The following GRB2 variants were observed in gnomAD, a reference collection of about 807,000 sequenced individuals.
The protein encoded by GRB2 is growth factor receptor-bound protein 2.
A neutral mutation model predicts 27.4 loss-of-function variants in GRB2; 2 were observed. That is an observed-to-expected ratio of 0.07 (90% CI 0.03 to 0.23). The LOEUF (loss-of-function observed/expected upper bound fraction) is 0.23. Ranked by LOEUF, GRB2 falls within the 10% of genes least tolerant of loss-of-function variation. GRB2 has a pLI of 1.00. For synonymous variants in GRB2, 94 were observed against 99.6 expected, an observed-to-expected ratio of 0.94 and a Z score of 0.33; for missense variants, 102 against 282.4, an observed-to-expected ratio of 0.36 and a Z score of 4.58.
chr17:75,393,638 T>C lies in GRB2; in HGVS notation c.-10A>G, dbSNP rs763312618. On this transcript the variant is annotated 5_prime_UTR_variant, in exon 2 of 6. Transcript: ENST00000316804. ...TGGCGATGGCTTCCATTCTGAGCGC[T>C]GCTCAGTGCTCAGCAGCCTGAAGCA... 5.0e-6 allele frequency: 8 copies of C among 1,610,010 alleles called. No individual in the cohort carries two copies. Among genetic ancestry groups the C allele is most frequent in the Non-Finnish European group, 6.8e-6 (8 of 1,176,274 alleles).
rs61757946 is a variant in GRB2 at position 75,320,872 on chromosome 17, G to T, written c.469-319C>A. 0.021 allele frequency among the ~76,000 whole-genome samples: 3,226 copies of T among 152,210 alleles called. 111 individuals are homozygous for T. Among genetic ancestry groups the T allele is most frequent in the African/African-American group, 0.074 (3,068 of 41,514 alleles). Reference sequence around the variant, plus strand: ...AAGTTCTTCAGAAACAGCCATCTGTGTTTAGGCCGTGGGCCCAGAATCGCA... The same window carrying T: ...AAGTTCTTCAGAAACAGCCATCTGTTTTTAGGCCGTGGGCCCAGAATCGCA... On this transcript the variant is annotated intron_variant, in intron 5 of 5. Coordinates refer to ENST00000316804, the MANE Select transcript of GRB2 (RefSeq NM_002086.5). This position sits in a 1 kb window ranked among gnomAD's most constrained non-coding sequence, Gnocchi z 4.3.
chr17:75,326,070 G>C, intron 3 of GRB2, 50 bp from the exon 4 acceptor site: 1 of 1,609,360 alleles, frequency 6.2e-7, no homozygotes, highest in Non-Finnish European at 8.5e-7. Flanking sequence ...ACAAAGAAAC[G>C]GGATATCCAG....
At chr17:75,404,195 A>T (rs953778229) in intron 1 of GRB2, among the ~76,000 whole-genome samples, 10 of 152,214 alleles carry the variant, frequency 6.6e-5, no homozygotes, top group Admixed American at 4.6e-4. Context: ...CAGAAGCATA[A>T]TCTTAAAAGA....
At chr17:75,345,056 A>T (rs2078646193) in intron 2 of GRB2, among the ~76,000 whole-genome samples, 1 of 151,550 alleles carries the variant, frequency 6.6e-6, no homozygotes, top group South Asian at 2.1e-4. Flanking sequence ...TATTATTATT[A>T]TTTTTGAGAT....
chr17:75,346,319 C>T (rs912394921), intron 2 of GRB2, among the ~76,000 whole-genome samples: 32 of 152,078 alleles, frequency 2.1e-4, no homozygotes, highest in Admixed American at 1.6e-3. Flanking sequence ...CATGGTAAAA[C>T]CCTGTCTCTA....
intron 2 of GRB2, among the ~76,000 whole-genome samples, chr17:75,377,587 C>A (rs1389650476): frequency 4.1e-5 from 5 of 122,552 alleles, no homozygotes; most frequent in Non-Finnish European, 8.1e-5. Context: ...CAGAGCGAGA[C>A]CCTGTCTCAG....
intron 3 of GRB2, among the ~76,000 whole-genome samples, chr17:75,326,967 A>C (rs2078502471): frequency 6.6e-6 from 1 of 152,214 alleles, no homozygotes; most frequent in Non-Finnish European, 1.5e-5. Context: ...AAAGACCTAT[A>C]AACATGGAAA....
chr17:75,329,303 C>T (rs2078523247), intron 3 of GRB2, among the ~76,000 whole-genome samples: 1 of 152,022 alleles, frequency 6.6e-6, no homozygotes, highest in African/African-American at 2.4e-5. Context: ...ACTGAAATAG[C>T]CTAGATGTAC....
rs1184872895 is a variant in GRB2, at chr17:75,340,156, C to CA, written c.79-7360dup. ...CTTTCAACACGCGCTCCAATTCCAACAGCTTGCAGAAAAGTTCAACATTTC... is the reference window on the plus strand; with the variant it reads ...CTTTCAACACGCGCTCCAATTCCAACAAGCTTGCAGAAAAGTTCAACATTTC... On this transcript the variant is annotated intron_variant, in intron 2 of 5. Coordinates refer to ENST00000316804, the MANE Select transcript of GRB2 (RefSeq NM_002086.5). Among the ~76,000 whole-genome samples the CA allele has an allele frequency of 4.3e-4, 66 of 152,290 alleles. 1 individual carries two copies. The highest frequency in any genetic ancestry group is 1.6e-3 in the African/African-American group (66 of 41,556).
intron 2 of GRB2, among the ~76,000 whole-genome samples, chr17:75,333,069 C>T (rs1401013695): frequency 1.3e-5 from 2 of 149,762 alleles, no homozygotes; most frequent in Admixed American, 1.3e-4. Context: ...AGAAGAATGG[C>T]AAGTATTAGT....
At chr17:75,333,772 G>T (rs1381104279) in intron 2 of GRB2, among the ~76,000 whole-genome samples, 1 of 152,184 alleles carries the variant, frequency 6.6e-6, no homozygotes, top group East Asian at 1.9e-4. Flanking sequence ...ATTAAAGTTA[G>T]ATAGTGCTGA....
intron 1 of GRB2, among the ~76,000 whole-genome samples, chr17:75,404,043 G>A (rs2079081444): frequency 6.6e-6 from 1 of 151,308 alleles, no homozygotes; most frequent in Non-Finnish European, 1.5e-5. Flanking sequence ...AACCCAGGAG[G>A]CAGAGTTGCA....
chr17:75,359,507 AAAT>A (rs10628038), intron 2 of GRB2, among the ~76,000 whole-genome samples: 1 of 148,206 alleles, frequency 6.7e-6, no homozygotes, highest in Non-Finnish European at 1.5e-5. Context: ...CATTGTCTCA[AAAT>A]AATAATAATA....
At chr17:75,355,981 C>G (rs1251115854) in intron 2 of GRB2, among the ~76,000 whole-genome samples, 1 of 151,884 alleles carries the variant, frequency 6.6e-6, no homozygotes, top group Non-Finnish European at 1.5e-5. Flanking sequence ...CAGACGCACG[C>G]TGCCATGCCC....
intron 1 of GRB2, among the ~76,000 whole-genome samples, chr17:75,402,269 C>T (rs1407021626): frequency 6.6e-6 from 1 of 152,152 alleles, no homozygotes; most frequent in Non-Finnish European, 1.5e-5. Flanking sequence ...TTTCACACCA[C>T]TGTAAAGCTG....
chr17:75,351,523 G>T (rs1450792957), intron 2 of GRB2, among the ~76,000 whole-genome samples: 1 of 152,026 alleles, frequency 6.6e-6, no homozygotes, highest in Non-Finnish European at 1.5e-5. Flanking sequence ...GTATAGTGGT[G>T]TGCGGCTGTA....
At chr17:75,321,499 G>T (rs771781714) in intron 5 of GRB2, among the ~76,000 whole-genome samples, 160 bp downstream of exon 5, 1 of 152,066 alleles carries the variant, frequency 6.6e-6, no homozygotes, top group African/African-American at 2.4e-5. Context: ...TCTTTAGTGT[G>T]AATGGAGGGT....
intron 2 of GRB2, among the ~76,000 whole-genome samples, chr17:75,370,109 T>C (rs1471743225): frequency 6.6e-6 from 1 of 152,188 alleles, no homozygotes; most frequent in Non-Finnish European, 1.5e-5. Flanking sequence ...CCATGAGAAA[T>C]GTAAATTCAT....
At chr17:75,335,463 G>A (rs1041638106) in intron 2 of GRB2, among the ~76,000 whole-genome samples, 1 of 152,132 alleles carries the variant, frequency 6.6e-6, no homozygotes, top group Admixed American at 6.6e-5. Context: ...TGCTGTCTGT[G>A]TACTGCCATT....
Sources: gnomAD v4.1 joint callset for allele counts (sites outside exome capture counted in the v4.1 genomes callset) on GRCh38, gnomAD v4.1.1 for gene constraint, Gnocchi (gnomAD v3.1) non-coding constraint, MANE v1.5 for transcripts, NCBI Gene and HGNC (gene_info 2026-07-23, HGNC 2026-07-21) for gene names.